RARB: variants seen among roughly 807,000 people sequenced by gnomAD.
The protein encoded by RARB is retinoic acid receptor beta.
Under a neutral mutation model 51.9 loss-of-function variants are expected in RARB, and 17 were observed. The ratio of observed to expected loss-of-function variants is 0.33; its 90% CI spans 0.22 to 0.49. The LOEUF (loss-of-function observed/expected upper bound fraction) is 0.49, where lower values mean the gene tolerates loss of function less well. RARB is among the 20% of genes least tolerant of loss of function. RARB has a pLI of 0.99. For missense variants in RARB, 369 were observed against 550.8 expected, an observed-to-expected ratio of 0.67 and a Z score of 3.30; for synonymous variants, 215 against 195.4, an observed-to-expected ratio of 1.10 and a Z score of -0.84.
At chr3:25,054,638 G>A (rs1224509523) in intron 2 of RARB, among the ~76,000 whole-genome samples, 1 of 152,146 alleles carries the variant, frequency 6.6e-6, no homozygotes, top group African/African-American at 2.4e-5. Context: ...GGGGGAGCAG[G>A]AGAAACCTGA....
intron 5 of RARB, among the ~76,000 whole-genome samples, chr3:25,283,029 C>T (rs891242177): frequency 1.3e-5 from 2 of 152,180 alleles, no homozygotes; most frequent in Non-Finnish European, 2.9e-5. Context: ...CTTCCCTTTT[C>T]GGATGAGCAA....
chr3:25,482,177 G>A (rs1161620465), intron 2 of RARB, among the ~76,000 whole-genome samples: 2 of 152,152 alleles, frequency 1.3e-5, no homozygotes, highest in African/African-American at 2.4e-5. Flanking sequence ...ATAATGCTAT[G>A]GAAACAGTCA....
At chr3:25,019,280 T>C (rs763344944) in intron 2 of RARB, among the ~76,000 whole-genome samples, 6 of 152,120 alleles carry the variant, frequency 3.9e-5, no homozygotes, top group Non-Finnish European at 1.5e-5. Context: ...TTGATTGTAA[T>C]AGAAATTCAA....
rs144187758 is a variant in RARB, at chr3:25,230,646, T to C, written c.178+56071T>C. ...ATTATATACACATCACCTGGTTTAATCTTCCCAGATAGGAAATATTCTTTG... is the reference window on the plus strand; with the variant it reads ...ATTATATACACATCACCTGGTTTAACCTTCCCAGATAGGAAATATTCTTTG... On this transcript the variant is annotated intron_variant, in intron 5 of 11. Coordinates refer to the RARB transcript ENST00000383772. 7.6e-3 allele frequency among the ~76,000 whole-genome samples: 1,152 copies of C among 152,182 alleles called. 17 individuals are homozygous for C. Among genetic ancestry groups the C allele is most frequent in the African/African-American group, 0.027 (1,104 of 41,524 alleles).
chr3:25,337,332 C>G (rs186104083), intron 5 of RARB, among the ~76,000 whole-genome samples: 1 of 152,216 alleles, frequency 6.6e-6, no homozygotes, highest in African/African-American at 2.4e-5. Context: ...AATTCAGAAT[C>G]CTAATCACAA....
intron 5 of RARB, among the ~76,000 whole-genome samples, chr3:25,199,526 A>C (rs925194909): frequency 3.9e-5 from 6 of 152,100 alleles, no homozygotes; most frequent in Non-Finnish European, 7.4e-5. Flanking sequence ...ATATGTATAC[A>C]TGTGCCATGT....
intron 2 of RARB, among the ~76,000 whole-genome samples, chr3:25,029,270 T>C (rs117611007): frequency 9.4e-4 from 143 of 152,322 alleles, no homozygotes; most frequent in Admixed American, 3.4e-3. Flanking sequence ...CCAGGACTTT[T>C]GCTGCTAACA....
chr3:25,453,022 A>T, intron 1 of RARB, among the ~76,000 whole-genome samples: 1 of 152,224 alleles, frequency 6.6e-6, no homozygotes, highest in South Asian at 2.1e-4. Flanking sequence ...TTAAGTACTT[A>T]ACAAGGTGGA....
chr3:25,553,897 G>A (rs1182348296), intron 3 of RARB, among the ~76,000 whole-genome samples: 2 of 151,902 alleles, frequency 1.3e-5, no homozygotes, highest in Admixed American at 6.6e-5. Context: ...AACAGTACTC[G>A]GCCCAGACAT....
intron 3 of RARB, among the ~76,000 whole-genome samples, chr3:25,509,469 A>G: frequency 6.6e-6 from 1 of 152,230 alleles, no homozygotes. Flanking sequence ...TAGAGACTCT[A>G]TTCATTTTGA....
At chr3:25,107,540 G>A (rs1157546697) in intron 3 of RARB, among the ~76,000 whole-genome samples, 4 of 152,118 alleles carry the variant, frequency 2.6e-5, no homozygotes, top group African/African-American at 4.8e-5. Context: ...AATAAATCCA[G>A]TAGTCTTTCC....
intron 5 of RARB, among the ~76,000 whole-genome samples, chr3:25,244,272 A>AT (rs200215353): frequency 0.22 from 28,636 of 133,120 alleles, 3,654 homozygotes; most frequent in African/African-American, 0.37. Context: ...GAATTCATTG[A>AT]TTTTTTTTTT....
At chr3:24,967,017 T>C (rs1340813307) in intron 2 of RARB, among the ~76,000 whole-genome samples, 1 of 152,170 alleles carries the variant, frequency 6.6e-6, no homozygotes, top group Non-Finnish European at 1.5e-5. Flanking sequence ...AATGTGTCCA[T>C]GTCTTTTATT....
intron 2 of RARB, among the ~76,000 whole-genome samples, chr3:24,923,780 T>C (rs919807280): frequency 6.6e-5 from 10 of 152,292 alleles, no homozygotes; most frequent in African/African-American, 2.4e-4. Context: ...TTATGAAGCT[T>C]AAAGACTGGT....
At chr3:25,029,368 G>T (rs147120843) in intron 2 of RARB, among the ~76,000 whole-genome samples, 2 of 152,304 alleles carry the variant, frequency 1.3e-5, no homozygotes, top group African/African-American at 4.8e-5. Flanking sequence ...AAAGCAGGAG[G>T]CTCTACCATA....
chr3:25,135,138 T>G (rs1375318800), intron 4 of RARB, among the ~76,000 whole-genome samples: 1 of 151,762 alleles, frequency 6.6e-6, no homozygotes, highest in Non-Finnish European at 1.5e-5. Flanking sequence ...AAAAACTTTC[T>G]GGGGTGGTAG....
intron 5 of RARB, among the ~76,000 whole-genome samples, chr3:25,186,885 CTGTGTGTGTGTGTGTGTGTGTGTGTG>C (rs71057702): frequency 7.9e-5 from 9 of 114,284 alleles, no homozygotes; most frequent in East Asian, 3.0e-4. Context: ...AAAGGTAAGC[CTGTGTGTGTGTGTGTGTGTGTGTGTG>C]TGTGTGTGTG....
intron 2 of RARB, among the ~76,000 whole-genome samples, chr3:24,960,697 A>G (rs1696120169): frequency 6.6e-6 from 1 of 152,212 alleles, no homozygotes; most frequent in Non-Finnish European, 1.5e-5. Flanking sequence ...CAAGGTAGCT[A>G]CAACCATACG....
intron 2 of RARB, among the ~76,000 whole-genome samples, chr3:24,993,343 A>G (rs1395815982): frequency 6.6e-6 from 1 of 152,184 alleles, no homozygotes; most frequent in Non-Finnish European, 1.5e-5. Flanking sequence ...TTAATATGGC[A>G]TTTTGTAAAC....
Sources: allele counts gnomAD v4.1 joint callset (sites outside exome capture counted in the v4.1 genomes callset), GRCh38; gene constraint gnomAD v4.1.1; transcripts MANE v1.5; gene names NCBI Gene and HGNC (gene_info 2026-07-23, HGNC 2026-07-21).